Variants in LYPD6B observed in about 807,000 individuals in gnomAD.
LYPD6B encodes LY6/PLAUR domain containing 6B.
In LYPD6B, 17 loss-of-function variants were observed where a neutral mutation model predicts 22.8. That is an observed-to-expected ratio of 0.75 (90% CI 0.51 to 1.12). The LOEUF is 1.12. Ranked by LOEUF, LYPD6B falls within the 50% of genes most tolerant of loss-of-function variation. The pLI is 0.00. For missense variants in LYPD6B, 221 were observed against 258.3 expected (o/e 0.86, Z 0.99); for synonymous variants, 106 against 91.6 (o/e 1.16, Z -0.90).
chr2:149,157,124 G>C (rs908095716), intron 2 of LYPD6B, among the ~76,000 whole-genome samples: 17 of 152,112 alleles, frequency 1.1e-4, no homozygotes, highest in African/African-American at 4.1e-4. Flanking sequence ...TTTTCATTCT[G>C]AGGGCTCCTG....
At chr2:149,060,905 C>T (rs1030011824) in intron 1 of LYPD6B, among the ~76,000 whole-genome samples, 11 of 152,148 alleles carry the variant, frequency 7.2e-5, no homozygotes, top group Non-Finnish European at 1.2e-4. Context: ...GAGGGGCACT[C>T]GACACCCACC....
At chr2:149,133,060 G>T (rs574523491) in intron 2 of LYPD6B, among the ~76,000 whole-genome samples, 19 of 152,062 alleles carry the variant, frequency 1.2e-4, no homozygotes, top group Non-Finnish European at 2.1e-4. Context: ...TGTGCATCTG[G>T]GTTGCTTCCT....
intron 2 of LYPD6B, among the ~76,000 whole-genome samples, chr2:149,139,513 A>G (rs1486901493): frequency 6.6e-6 from 1 of 152,182 alleles, no homozygotes; most frequent in African/African-American, 2.4e-5. Context: ...TACACTTCAG[A>G]GGCAACCTAG....
chr2:149,081,287 T>A (rs758581664), intron 1 of LYPD6B, among the ~76,000 whole-genome samples: 1 of 152,232 alleles, frequency 6.6e-6, no homozygotes, highest in South Asian at 2.1e-4. Flanking sequence ...ACAGACTAGA[T>A]GTTGGTTCCC....
At chr2:149,041,980 G>T (rs1683107239) in intron 1 of LYPD6B, among the ~76,000 whole-genome samples, 1 of 152,194 alleles carries the variant, frequency 6.6e-6, no homozygotes, top group Non-Finnish European at 1.5e-5. Flanking sequence ...TTCAAACCCT[G>T]TGTAGTTTGA....
intron 3 of LYPD6B, among the ~76,000 whole-genome samples, chr2:149,176,530 C>G (rs563337862): frequency 6.6e-6 from 1 of 152,262 alleles, no homozygotes; most frequent in East Asian, 1.9e-4. Context: ...GATAAGTTGT[C>G]TGGAGCTGGA....
At chr2:149,183,986 A>C (rs1000230824) in intron 3 of LYPD6B, among the ~76,000 whole-genome samples, 3 of 151,910 alleles carry the variant, frequency 2.0e-5, no homozygotes, top group Non-Finnish European at 4.4e-5. Flanking sequence ...TGAGGTTGGG[A>C]GTTTGAGACC....
intron 3 of LYPD6B, among the ~76,000 whole-genome samples, chr2:149,161,199 C>T (rs937226555): frequency 1.5e-4 from 23 of 152,054 alleles, no homozygotes; most frequent in African/African-American, 5.3e-4. Context: ...GAGCAATGTT[C>T]AAAAGTGTCT....
At chr2:149,049,232 C>G (rs930315035) in intron 1 of LYPD6B, among the ~76,000 whole-genome samples, 6 of 152,220 alleles carry the variant, frequency 3.9e-5, no homozygotes, top group African/African-American at 1.4e-4. Flanking sequence ...ATTTCACTTT[C>G]AATGACTCTC....
chr2:149,161,309 A>G (rs1690052274), intron 3 of LYPD6B: 6 of 161,626 alleles, frequency 3.7e-5, no homozygotes, highest in Admixed American at 3.6e-4. Flanking sequence ...GCCTTAGAAA[A>G]TATTTACTGA....
chr2:149,104,303 T>A (rs1276829403), intron 1 of LYPD6B, among the ~76,000 whole-genome samples: 3 of 152,174 alleles, frequency 2.0e-5, no homozygotes, highest in Non-Finnish European at 4.4e-5. Context: ...TTGGTAGTTG[T>A]GTAGACAGTG....
In LYPD6B at chr2:149,106,182, C is replaced by A. The variant is rs74638076; in HGVS notation, c.-66-24701C>A. Reference sequence around the variant, plus strand: ...ATATTGTTTTATGTATTGTTAGATTCAATTTGCAAAAATTTGTTTTGAATT... The same window carrying A: ...ATATTGTTTTATGTATTGTTAGATTAAATTTGCAAAAATTTGTTTTGAATT... On this transcript the variant is annotated intron_variant, in intron 1 of 6. Transcript: ENST00000409642. Among the ~76,000 whole-genome samples, 79 of 151,990 alleles carry A rather than the reference C, an allele frequency of 5.2e-4. No individual in the cohort carries two copies. The East Asian group carries it at 0.015, about 29-fold the overall frequency.
intron 1 of LYPD6B, among the ~76,000 whole-genome samples, chr2:149,128,709 T>A (rs1006541745): frequency 6.6e-6 from 1 of 152,170 alleles, no homozygotes; most frequent in Admixed American, 6.5e-5. Flanking sequence ...ACAAAACAAG[T>A]CAAAATTTCT....
At chr2:149,094,897 G>C (rs1228678865) in intron 1 of LYPD6B, among the ~76,000 whole-genome samples, 1 of 151,984 alleles carries the variant, frequency 6.6e-6, no homozygotes, top group Non-Finnish European at 1.5e-5. Flanking sequence ...AAAACAATAA[G>C]AAATTATTGT....
At chr2:149,119,943 A>T (rs890693615) in intron 1 of LYPD6B, among the ~76,000 whole-genome samples, 2 of 152,028 alleles carry the variant, frequency 1.3e-5, no homozygotes, top group Non-Finnish European at 2.9e-5. Flanking sequence ...AAAAAAAAAA[A>T]TTTTGCACTC....
At chr2:149,077,217 G>A (rs796443533) in intron 1 of LYPD6B, among the ~76,000 whole-genome samples, 1 of 152,144 alleles carries the variant, frequency 6.6e-6, no homozygotes, top group Non-Finnish European at 1.5e-5. Flanking sequence ...CAAAGATAAG[G>A]CAAAAGATCA....
At chr2:149,157,667 T>C (rs2105866021) in intron 2 of LYPD6B, among the ~76,000 whole-genome samples, 1 of 152,346 alleles carries the variant, frequency 6.6e-6, no homozygotes, top group Non-Finnish European at 1.5e-5. Context: ...CTTCATGCCA[T>C]CTGCTCTTCC....
chr2:149,121,083 C>T lies in LYPD6B; in HGVS notation c.-66-9800C>T, dbSNP rs562484522. Among the ~76,000 whole-genome samples the T allele has an allele frequency of 2.4e-4, 36 of 152,212 alleles. No homozygotes were observed. The South Asian group carries it at 5.0e-3, about 21-fold the overall frequency. ...CTGCGATTACAGGTATGAGCGACCC[C>T]GCCTGGCAAAGTCTTAATGATATTT... On this transcript the variant is annotated intron_variant, in intron 1 of 6. Transcript: ENST00000409642.
At chr2:149,102,163 G>A (rs1023401094) in intron 1 of LYPD6B, among the ~76,000 whole-genome samples, 1 of 152,012 alleles carries the variant, frequency 6.6e-6, no homozygotes, top group African/African-American at 2.4e-5. Context: ...AGAAGTAAAG[G>A]CACATTGAAA....
Sources: allele counts gnomAD v4.1 joint callset (sites outside exome capture counted in the v4.1 genomes callset), GRCh38; gene constraint gnomAD v4.1.1; transcripts MANE v1.5; gene names NCBI Gene and HGNC (gene_info 2026-07-23, HGNC 2026-07-21).